The following CILP variants were observed in gnomAD, a reference collection of about 807,000 sequenced individuals.
CILP encodes the protein cartilage intermediate layer protein 1.
Under a neutral mutation model 82.5 loss-of-function variants are expected in CILP, and 75 were observed. The ratio of observed to expected loss-of-function variants is 0.91; its 90% confidence interval spans 0.75 to 1.10. The LOEUF is 1.10. Among genes scored for constraint, CILP ranks in the 50% least tolerant of loss-of-function variants. The pLI is 0.00. For synonymous variants in CILP, 530 were observed against 580.3 expected (o/e 0.91, Z 1.25); for missense variants, 1,479 against 1,530.8 (o/e 0.97, Z 0.56).
rs141854917 is a variant in CILP, at chr15:65,197,056, T to G, written c.3230A>C (p.Tyr1077Ser). 3.7e-6 allele frequency: 6 copies of G among 1,614,152 alleles called. No homozygotes were observed. Among genetic ancestry groups the G allele is most frequent in the Non-Finnish European group, 5.1e-6 (6 of 1,180,040 alleles). Residue 1077 changes from tyrosine to serine, a missense_variant, in exon 9 of 9, where the codon TAC (tyrosine) becomes TCC (serine). Tyr to Ser is a moderately radical substitution (Grantham distance 144). Coordinates refer to ENST00000261883, the MANE Select transcript of CILP (RefSeq NM_003613.4). ...LDPLGHNYGI[Y>S]TVTDQDPRTA... ...GCGAGGGTCCTGGTCAGTGACAGTG[T>G]AGATGCCATAGTTGTGGCCCAGTGG...
Position 65,196,745 on chromosome 15 carries a change from G to A in CILP, c.3541C>T (p.Pro1181Ser). Reference sequence around the variant, plus strand: ...TACCACAAAACTTAGTTGATCAGGGGCTGTTGAGCAACTCTAGGAAATCTC... The same window carrying A: ...TACCACAAAACTTAGTTGATCAGGGACTGTTGAGCAACTCTAGGAAATCTC... ...SLRFPRVAQQ[P>S]LIN The change falls in exon 9 of 9, where the codon CCC becomes TCC. Residue 1181 changes from proline (P) to serine (S), a missense_variant. Physicochemically the swap from Pro to Ser is moderately conservative, Grantham distance 74. Coordinates refer to ENST00000261883, the MANE Select transcript of CILP (RefSeq NM_003613.4). The A allele has an allele frequency of 6.5e-7, 1 of 1,538,466 alleles. No individual in the cohort carries two copies. Among genetic ancestry groups the A allele is most frequent in the Non-Finnish European group, 8.8e-7 (1 of 1,139,214 alleles).
Position 65,197,216 on chromosome 15 carries a change from G to T in CILP, c.3070C>A (p.Leu1024Met). The change falls in exon 9 of 9, where the codon CTG becomes ATG. Residue 1024 changes from leucine to methionine, a missense_variant. Transcript: ENST00000261883. ...CTGCCCTGGGGGATGACCTTCACCA[G>T]GGTGCGGTCCACACGGTCCTGATCA... ...LYDQDRVDRT[L>M]VKVIPQGSCR... is the part of the protein sequence containing the mutation. The T allele has an allele frequency of 6.2e-7, 1 of 1,614,098 alleles. No individual in the cohort carries two copies. Among genetic ancestry groups the T allele is most frequent in the Non-Finnish European group, 8.5e-7 (1 of 1,180,032 alleles).
Position 65,204,334 on chromosome 15 carries a change from TG to T in CILP, c.852del (p.Ile285LeufsTer10). On this transcript the variant is annotated frameshift_variant, in exon 6 of 9. Coordinates refer to ENST00000261883, the MANE Select transcript of CILP (RefSeq NM_003613.4). LOFTEE classifies it high-confidence loss of function. Reference protein sequence around the residue: ...ILKITKVKFAPIVLTMPKTSL... With the variant: ...ILKITKVKFAXIVLTMPKTSL... The stretch of plus-strand genomic sequence containing the variant: ...CTAGTCTTGGGCATTGTGAGTACAA[TG>T]GGGGCAAACTTGACCTTTGTGATCT... The T allele has an allele frequency of 6.2e-7, 1 of 1,614,166 alleles. No homozygotes were observed.
intron 8 of CILP, among the ~76,000 whole-genome samples, chr15:65,200,213 T>A (rs967741879): frequency 6.6e-6 from 1 of 152,234 alleles, no homozygotes; most frequent in African/African-American, 2.4e-5. Context: ...CATGCACATA[T>A]ACATTTGGAA....
chr15:65,197,718 C>T lies in CILP; in HGVS notation c.2568G>A (p.Lys856=), dbSNP rs761920815. The change falls in exon 9 of 9, where the codon AAG becomes AAA. Residue 856 remains lysine (K), a synonymous_variant. Coordinates refer to ENST00000261883, the MANE Select transcript of CILP (RefSeq NM_003613.4). ...CATGGTCCGTCCGACGGTAGTTGAG[C>T]TTGTTGAGATAGGGCTGAGGGACGC... ...AIGVPQPYLN[K]LNYRRTDHED... 3 of 1,612,818 alleles carry T rather than the reference C, an allele frequency of 1.9e-6. No individual in the cohort carries two copies. Among genetic ancestry groups the T allele is most frequent in the Non-Finnish European group, 2.5e-6 (3 of 1,180,036 alleles).
intron 3 of CILP, among the ~76,000 whole-genome samples, chr15:65,207,387 A>G (rs1054055267): frequency 1.3e-5 from 2 of 152,038 alleles, no homozygotes; most frequent in African/African-American, 4.8e-5. Context: ...GGTGCTGGTG[A>G]GCTGTCCCCA....
chr15:65,207,743 T>C lies in CILP; in HGVS notation c.83A>G (p.Gln28Arg). 6.2e-7 allele frequency: 1 copy of C among 1,614,132 alleles called. No individual in the cohort carries two copies. Reference protein sequence around the residue: ...SVLGRQTMLTQSVRRVQPGKK... With the variant: ...SVLGRQTMLTRSVRRVQPGKK... Reference sequence around the variant, plus strand: ...CCCAGGCTGGACTCTTCTTACTGACTGGGTGAGCATCGTCTGTCTCCCTGA... The same window carrying C: ...CCCAGGCTGGACTCTTCTTACTGACCGGGTGAGCATCGTCTGTCTCCCTGA... Residue 28 changes from glutamine (Q) to arginine (R), a missense_variant, in exon 3 of 9, where the codon CAG becomes CGG. Coordinates refer to ENST00000261883, the MANE Select transcript of CILP (RefSeq NM_003613.4).
Position 65,198,124 on chromosome 15 carries a change from C to A in CILP, c.2162G>T (p.Arg721Met). Residue 721 changes from arginine (R) to methionine (M), a missense_variant, in exon 9 of 9, where the codon AGG (arginine) becomes ATG (methionine). Physicochemically the swap from Arg to Met is moderately conservative, Grantham distance 91. Coordinates refer to ENST00000261883, the MANE Select transcript of CILP (RefSeq NM_003613.4). ...EGDFKFENQRRNKREDRTFLV... is the reference protein window; with the variant it reads ...EGDFKFENQRMNKREDRTFLV... ...GAAGGTTCTGTCTTCTCTTTTGTTC[C>A]TCCTTTGATTTTCAAATTTGAAATC... 6.2e-7 allele frequency: 1 copy of A among 1,614,242 alleles called. No individual in the cohort carries two copies.
At position 65,198,613 on chromosome 15, in the gene CILP, T is replaced by C. The variant is rs2088410410; in HGVS notation, c.1673A>G (p.Asn558Ser). 6.2e-7 allele frequency: 1 copy of C among 1,614,104 alleles called. No homozygotes were observed. The highest frequency in any genetic ancestry group is 1.1e-5 in the South Asian group (1 of 91,088). ...ATGGAACACGGCACTCCCCTTCTTG[T>C]TGAAAGGTAGCACTTTGGTGGTGTT... The part of the protein sequence containing the change: ...FVNTTKVLPF[N>S]KKGSAVFHEI... The change falls in exon 9 of 9, where the codon AAC becomes AGC. Residue 558 changes from asparagine (N) to serine (S), a missense_variant. Asn to Ser is a conservative substitution (Grantham distance 46). Transcript: ENST00000261883.
intron 6 of CILP, 36 bp from the exon 7 acceptor site, chr15:65,203,506 TTG>T (rs151207881): frequency 2.6e-4 from 389 of 1,488,044 alleles, no homozygotes; most frequent in Non-Finnish European, 3.2e-4. Context: ...TTTTGGGTTT[TTG>T]TGTGTGTGTG....
At position 65,198,004 on chromosome 15, in the gene CILP, C is replaced by T. The variant is rs753113924; in HGVS notation, c.2282G>A (p.Ser761Asn). Residue 761 changes from serine (S) to asparagine (N), a missense_variant, in exon 9 of 9, where the codon AGT becomes AAT. Transcript: ENST00000261883. Reference sequence around the variant, plus strand: ...CTGCTCACTAGGCAAGAACCTCTCACTCCGGTAGGCCCTCACCTTAACAAA... The same window carrying T: ...CTGCTCACTAGGCAAGAACCTCTCATTCCGGTAGGCCCTCACCTTAACAAA... ...RCFVKVRAYR[S>N]ERFLPSEQIQ... 1.2e-6 allele frequency: 2 copies of T among 1,614,228 alleles called. No homozygotes were observed. The highest frequency in any genetic ancestry group is 1.1e-5 in the South Asian group (1 of 91,092).
In CILP at chr15:65,204,383, G is replaced by A. The variant is rs761688387; in HGVS notation, c.804C>T (p.Cys268=). The A allele has an allele frequency of 1.9e-6, 3 of 1,614,198 alleles. No homozygotes were observed. Among genetic ancestry groups the A allele is most frequent in the Non-Finnish European group, 2.5e-6 (3 of 1,180,042 alleles). Reference sequence around the variant, plus strand: ...TCTTCAGGATGCTTTTGCCATCAGGGCACAAGCCAGGGATTCGGAATCTCC... The same window carrying A: ...TCTTCAGGATGCTTTTGCCATCAGGACACAAGCCAGGGATTCGGAATCTCC... ...SDGRFRIPGL[C]PDGKSILKIT... Residue 268 remains cysteine, a synonymous_variant, in exon 6 of 9, where the codon TGC becomes TGT. Transcript: ENST00000261883.
In CILP at chr15:65,198,715, C is replaced by T. The variant is rs1431198074; in HGVS notation, c.1571G>A (p.Gly524Asp). 6.2e-7 allele frequency: 1 copy of T among 1,614,190 alleles called. No individual in the cohort carries two copies. Among genetic ancestry groups the T allele is most frequent in the South Asian group, 1.1e-5 (1 of 91,086 alleles). The part of the protein sequence containing the change: ...NSRVSMTGYK[G>D]TFTLHVPQDT... ...CTGGGGGACATGGAGGGTGAAAGTG[C>T]CCTTGTAGCCAGTCATGCTTACACG... The change falls in exon 9 of 9, where the codon GGC becomes GAC. Residue 524 changes from glycine (G) to aspartate (D), a missense_variant. Coordinates refer to ENST00000261883, the MANE Select transcript of CILP (RefSeq NM_003613.4).
At chr15:65,208,723 A>G (rs1249551559) in intron 2 of CILP, among the ~76,000 whole-genome samples, 1 of 152,244 alleles carries the variant, frequency 6.6e-6, no homozygotes, top group Non-Finnish European at 1.5e-5. Flanking sequence ...AATGCGGAGC[A>G]GAGGGCTGCA....
Position 65,197,714 on chromosome 15 carries a change from T to G in CILP, c.2572A>C (p.Asn858His). ...TCCTCATGGTCCGTCCGACGGTAGT[T>G]GAGCTTGTTGAGATAGGGCTGAGGG... is the stretch of plus-strand genomic sequence containing the variant. ...GVPQPYLNKL[N>H]YRRTDHEDPR... Residue 858 changes from asparagine to histidine, a missense_variant, in exon 9 of 9, where the codon AAC becomes CAC. Transcript: ENST00000261883. 2 of 1,613,036 alleles carry G rather than the reference T, an allele frequency of 1.2e-6. No individual in the cohort carries two copies. Among genetic ancestry groups the G allele is most frequent in the Non-Finnish European group, 1.7e-6 (2 of 1,180,026 alleles).
chr15:65,201,095 G>C (rs1191003146), intron 8 of CILP, among the ~76,000 whole-genome samples: 2 of 151,984 alleles, frequency 1.3e-5, no homozygotes, highest in African/African-American at 4.8e-5. Flanking sequence ...TCTGCCTCCT[G>C]AGTTCAAGCG....
In CILP at chr15:65,204,336, G is replaced by A. The variant is rs1286894920; in HGVS notation, c.851C>T (p.Pro284Leu). 3 of 1,614,174 alleles carry A rather than the reference G, an allele frequency of 1.9e-6. No homozygotes were observed. The highest frequency in any genetic ancestry group is 1.1e-5 in the South Asian group (1 of 91,070). Reference sequence around the variant, plus strand: ...AGTCTTGGGCATTGTGAGTACAATGGGGGCAAACTTGACCTTTGTGATCTT... The same window carrying A: ...AGTCTTGGGCATTGTGAGTACAATGAGGGCAAACTTGACCTTTGTGATCTT... ...ILKITKVKFA[P>L]IVLTMPKTSL... Residue 284 changes from proline (P) to leucine (L), a missense_variant, in exon 6 of 9, where the codon CCC becomes CTC. Pro to Leu is a moderately conservative substitution (Grantham distance 98). Transcript: ENST00000261883.
intron 4 of CILP, among the ~76,000 whole-genome samples, chr15:65,205,813 C>T (rs62012514): frequency 6.6e-6 from 1 of 152,154 alleles, no homozygotes; most frequent in African/African-American, 2.4e-5. Context: ...GGAAGGACTC[C>T]CTGGGAATCA....
In CILP at chr15:65,201,909, C is replaced by G. The variant is rs2088460595; in HGVS notation, c.1149G>C (p.Gly383=). ...GCTGGGCAACCTTGGACTTCACAGC[C>G]CCAGCATCACTCTGGGCCTTGCAAA... ...EYFCKAQSDA[G]AVKSKVAQLI... The change falls in exon 8 of 9, where the codon GGG becomes GGC. Residue 383 remains glycine, a synonymous_variant. Transcript: ENST00000261883. 1 of 1,594,912 alleles carries G rather than the reference C, an allele frequency of 6.3e-7. No homozygotes were observed. The highest frequency in any genetic ancestry group is 8.5e-7 in the Non-Finnish European group (1 of 1,171,488).
Sources: allele counts gnomAD v4.1 joint callset (sites outside exome capture counted in the v4.1 genomes callset), GRCh38; gene constraint gnomAD v4.1.1; transcripts MANE v1.5; gene names NCBI Gene and HGNC (gene_info 2026-07-23, HGNC 2026-07-21).